Variants in GPHN observed in about 807,000 individuals in gnomAD.
GPHN encodes the protein gephyrin.
In GPHN, 17 loss-of-function variants were observed where a neutral mutation model predicts 95.5. The ratio of observed to expected loss-of-function variants is 0.18; its 90% CI spans 0.12 to 0.27. The LOEUF is 0.27. Among genes scored for constraint, GPHN ranks in the 10% least tolerant of loss-of-function variants. The pLI is 1.00. For missense variants in GPHN, 660 were observed against 978.1 expected, an observed-to-expected ratio of 0.67 and a Z score of 4.34; for synonymous variants, 320 against 322.5, an observed-to-expected ratio of 0.99 and a Z score of 0.08.
At chr14:67,339,912 C>A in the GPHN span, among the ~76,000 whole-genome samples, 9 of 150,802 alleles carry the variant, frequency 6.0e-5, no homozygotes, top group African/African-American at 1.7e-4. Flanking sequence ...CCAGCCTGGC[C>A]AACATGGTGA....
intron 9 of GPHN, among the ~76,000 whole-genome samples, chr14:67,000,376 A>G: frequency 6.6e-6 from 1 of 151,770 alleles, no homozygotes; most frequent in Non-Finnish European, 1.5e-5. Flanking sequence ...ACATTTTTTA[A>G]ACACCACAGA....
At chr14:66,948,062 A>G (rs905607255) in intron 8 of GPHN, among the ~76,000 whole-genome samples, 69 of 152,326 alleles carry the variant, frequency 4.5e-4, no homozygotes, top group Middle Eastern at 3.4e-3. Flanking sequence ...ATAGAGAATC[A>G]TTTTTGAATG....
At chr14:67,308,061 C>T in the GPHN span, among the ~76,000 whole-genome samples, 2 of 152,010 alleles carry the variant, frequency 1.3e-5, no homozygotes, top group Non-Finnish European at 2.9e-5. Context: ...GGGAACAACA[C>T]ACACTAGGGT....
chr14:67,227,716 G>A, the GPHN span: 3 of 152,030 alleles, frequency 2.0e-5, no homozygotes, highest in Admixed American at 2.0e-4. Flanking sequence ...TTAAGAACTT[G>A]CAAATAATTC....
chr14:66,811,248 A>G (rs1566969854), intron 3 of GPHN, among the ~76,000 whole-genome samples: 1 of 152,196 alleles, frequency 6.6e-6, no homozygotes, highest in Non-Finnish European at 1.5e-5. Context: ...AGCATCATGC[A>G]ATATACCCAT....
chr14:66,663,988 A>G (rs1192807490), intron 1 of GPHN, among the ~76,000 whole-genome samples: 3 of 152,150 alleles, frequency 2.0e-5, no homozygotes, highest in Non-Finnish European at 4.4e-5. Flanking sequence ...AAACCAAGTT[A>G]TTAGAGACCT....
chr14:67,008,409 TCGCTC>T (rs2072752459), intron 9 of GPHN, among the ~76,000 whole-genome samples: 1 of 150,250 alleles, frequency 6.7e-6, no homozygotes. Flanking sequence ...TGAGCCGAGA[TCGCTC>T]CACTGCACTC....
intron 1 of GPHN, among the ~76,000 whole-genome samples, chr14:66,585,591 T>C (rs1308169781): frequency 6.6e-6 from 1 of 152,214 alleles, no homozygotes; most frequent in Non-Finnish European, 1.5e-5. Flanking sequence ...ATGTTTTGTC[T>C]TTGTTCTCGT....
chr14:66,874,712 A>G (rs1484516224), intron 4 of GPHN, among the ~76,000 whole-genome samples: 2 of 152,224 alleles, frequency 1.3e-5, no homozygotes, highest in Non-Finnish European at 2.9e-5. Context: ...TAAAGAAAAA[A>G]GAATGAAAAG....
At chr14:67,260,156 G>A in the GPHN span, among the ~76,000 whole-genome samples, 1 of 152,106 alleles carries the variant, frequency 6.6e-6, no homozygotes, top group East Asian at 1.9e-4. Flanking sequence ...AGGTTTAAGC[G>A]CCAGCTCTCC....
At chr14:66,651,923 T>C (rs541797272) in intron 1 of GPHN, among the ~76,000 whole-genome samples, 1 of 152,166 alleles carries the variant, frequency 6.6e-6, no homozygotes, top group South Asian at 2.1e-4. Flanking sequence ...TATTTCATAA[T>C]ATATTACAAT....
chr14:67,647,873 A>T, the GPHN span: 8 of 656,036 alleles, frequency 1.2e-5, no homozygotes, highest in Admixed American at 9.0e-5. Context: ...TAATATTGCC[A>T]ATCTCAGTAA....
intron 4 of GPHN, among the ~76,000 whole-genome samples, chr14:66,865,523 G>A (rs1422805990): frequency 6.6e-6 from 1 of 152,180 alleles, no homozygotes; most frequent in East Asian, 1.9e-4. Flanking sequence ...GAGATCAGGA[G>A]ATAACATACT....
the GPHN span, chr14:67,397,887 G>T: frequency 1.9e-5 from 27 of 1,416,748 alleles, no homozygotes; most frequent in Non-Finnish European, 2.4e-5. Context: ...GGTGTTCAGG[G>T]AGGGGGTGTC....
chr14:66,947,461 G>A (rs2067832089), intron 8 of GPHN, among the ~76,000 whole-genome samples: 1 of 152,148 alleles, frequency 6.6e-6, no homozygotes, highest in Non-Finnish European at 1.5e-5. Context: ...ATGAGGACAT[G>A]AGTCACATCT....
At chr14:67,391,271 A>ATG in the GPHN span, among the ~76,000 whole-genome samples, 13,454 of 143,800 alleles carry the variant, frequency 0.094, 633 homozygotes, top group Non-Finnish European at 0.13. Context: ...AGCAGCTGAT[A>ATG]TGTGTGTGTG....
intron 11 of GPHN, among the ~76,000 whole-genome samples, chr14:67,060,582 T>C (rs1377644094): frequency 2.0e-5 from 3 of 152,198 alleles, no homozygotes; most frequent in African/African-American, 4.8e-5. Context: ...TCAGATACTA[T>C]GTTAAGTCCT....
At chr14:67,125,329 C>CCCT (rs1190277710) in intron 17 of GPHN, among the ~76,000 whole-genome samples, 1 of 152,130 alleles carries the variant, frequency 6.6e-6, no homozygotes, top group Admixed American at 6.5e-5. Context: ...GTGAAGGCTA[C>CCCT]CCTCCTTCAT....
At chr14:67,615,808 T>C in the GPHN span, 1 of 569,868 alleles carries the variant, frequency 1.8e-6, no homozygotes. Context: ...GTTCTGCGTG[T>C]GGCCCAAAAG....
Sources: allele counts gnomAD v4.1 joint callset (sites outside exome capture counted in the v4.1 genomes callset), GRCh38; gene constraint gnomAD v4.1.1; transcripts MANE v1.5; gene names NCBI Gene and HGNC (gene_info 2026-07-23, HGNC 2026-07-21).